Variants in ASS1 observed in about 807,000 individuals in gnomAD.
The protein encoded by ASS1 is argininosuccinate synthase.
A neutral mutation model predicts 60.5 loss-of-function variants in ASS1; 58 were observed. The observed-to-expected ratio is 0.96, with a 90% CI of 0.78 to 1.19. The LOEUF is 1.19. ASS1 is among the 50% of genes most tolerant of loss of function. ASS1 has a pLI of 0.00. For synonymous variants in ASS1, 200 were observed against 206.9 expected, an observed-to-expected ratio of 0.97 and a Z score of 0.29; for missense variants, 454 against 547.3, an observed-to-expected ratio of 0.83 and a Z score of 1.70.
rs113708675 is a variant in ASS1, at chr9:130,452,071, T to C, written c.-5-153T>C. On this transcript the variant is annotated intron_variant, in intron 1 of 14. Transcript: ENST00000352480. ...CAGGGTTCCCGGGGGTGGCAGGCAC[T>C]GAAGGTGAACATCCTGTTCCCGACC... 179 of 727,096 alleles carry C rather than the reference T, an allele frequency of 2.5e-4. 2 individuals are homozygous for C. In the African/African-American group the frequency reaches 2.6e-3, roughly 10 times the overall value. 45.0% of individuals were successfully genotyped at this position (727,096 alleles called of 1,614,324 possible). A position where few individuals can be genotyped will look rare whatever the true frequency, so the allele number is the denominator to read the frequency against.
chr9:130,489,803 C>T lies in ASS1; in HGVS notation c.970+339C>T, dbSNP rs963360289. 3.9e-5 allele frequency among the ~76,000 whole-genome samples: 6 copies of T among 152,242 alleles called. No homozygotes were observed. The highest frequency in any genetic ancestry group is 9.6e-5 in the African/African-American group (4 of 41,464). ...CACTGTGCGGCGACATGCATCACCC[C>T]GCATGGTCCTCACAACTTTCCCAGG... On this transcript the variant is annotated intron_variant, in intron 12 of 14. Transcript: ENST00000352480. The surrounding 1 kb of genome is among the most constrained non-coding windows in gnomAD (Gnocchi z 4.1).
In ASS1 at chr9:130,480,499, C is replaced by T. The variant is rs771272459; in HGVS notation, c.838+50C>T. 4 of 1,594,246 alleles carry T rather than the reference C, an allele frequency of 2.5e-6. No homozygotes were observed. In the Admixed American group the frequency reaches 6.8e-5, roughly 27 times the overall value. ...GGCCTGCCTCGGGACCCAGCAAACCCAGAGATCCCTGAGACCCTGTCCCCT... is the reference window on the plus strand; with the variant it reads ...GGCCTGCCTCGGGACCCAGCAAACCTAGAGATCCCTGAGACCCTGTCCCCT... On this transcript the variant is annotated intron_variant, in intron 11 of 14. Coordinates refer to ENST00000352480, the MANE Select transcript of ASS1 (RefSeq NM_054012.4).
chr9:130,463,351 C>T (rs554928521), intron 4 of ASS1, among the ~76,000 whole-genome samples: 2 of 152,138 alleles, frequency 1.3e-5, no homozygotes, highest in Admixed American at 6.5e-5. Context: ...TCAGTGTGGA[C>T]GGTGGTCCCG....
intron 6 of ASS1, among the ~76,000 whole-genome samples, chr9:130,468,154 A>C (rs1349678494): frequency 6.6e-6 from 1 of 152,214 alleles, no homozygotes; most frequent in African/African-American, 2.4e-5. Context: ...TTCTGCACCC[A>C]GGAAATGTCA....
At chr9:130,461,424 CTG>C (rs1200743148) in intron 4 of ASS1, among the ~76,000 whole-genome samples, 2 of 152,120 alleles carry the variant, frequency 1.3e-5, no homozygotes, top group Non-Finnish European at 2.9e-5. Flanking sequence ...CCGGGGTCCT[CTG>C]TTCCCCATCC....
At chr9:130,460,874 G>T (rs1228821007) in intron 4 of ASS1, among the ~76,000 whole-genome samples, 2 of 152,166 alleles carry the variant, frequency 1.3e-5, no homozygotes, top group African/African-American at 4.8e-5. Flanking sequence ...TGGATGATGG[G>T]ATGGTAGGAA....
intron 12 of ASS1, among the ~76,000 whole-genome samples, chr9:130,492,168 G>A (rs555060387): frequency 3.3e-4 from 50 of 152,336 alleles, no homozygotes; most frequent in Non-Finnish European, 4.4e-5. Context: ...TGGTTTCCCA[G>A]TGTGGAGGCG....
intron 6 of ASS1, among the ~76,000 whole-genome samples, chr9:130,468,930 C>T (rs946869202): frequency 1.3e-5 from 2 of 152,168 alleles, no homozygotes; most frequent in African/African-American, 2.4e-5. Context: ...ACCTCGGGAC[C>T]GAGAGAGGCT....
At chr9:130,475,903 C>G (rs948482732) in intron 8 of ASS1, among the ~76,000 whole-genome samples, 2 of 152,072 alleles carry the variant, frequency 1.3e-5, no homozygotes, top group African/African-American at 4.8e-5. Flanking sequence ...ACTACAGGCG[C>G]ATGCCGCCAT....
intron 7 of ASS1, among the ~76,000 whole-genome samples, 154 bp from the exon 8 acceptor site, chr9:130,471,331 G>A (rs1489220986): frequency 6.6e-6 from 1 of 152,188 alleles, no homozygotes. Flanking sequence ...GACTATGGTG[G>A]GCCCAGAATG....
At position 130,501,033 on chromosome 9, in the gene ASS1, A is replaced by G. The variant is rs781440434; in HGVS notation, c.*12A>G. The G allele has an allele frequency of 1.3e-5, 21 of 1,611,068 alleles. No individual in the cohort carries two copies. Among genetic ancestry groups the G allele is most frequent in the Non-Finnish European group, 1.7e-5 (20 of 1,178,832 alleles). On this transcript the variant is annotated 3_prime_UTR_variant, in exon 15 of 15. Transcript: ENST00000352480. ...TCACTGCCAAATAGACCCGTGTACA[A>G]TGAGGAGCTGGGGCCTCCTCAATTT...
In ASS1 at chr9:130,476,933, T is replaced by G; in HGVS notation, c.660T>G (p.Pro220=). The G allele has an allele frequency of 6.2e-7, 1 of 1,614,068 alleles. No individual in the cohort carries two copies. Among genetic ancestry groups the G allele is most frequent in the Non-Finnish European group, 8.5e-7 (1 of 1,179,986 alleles). ...ACCCAGCCAAAGCCCCCAACACCCC[T>G]GACATTCTCGAGATCGAGTTCAAAA... ...TQDPAKAPNT[P]DILEIEFKKG... The change falls in exon 9 of 15, where the codon CCT becomes CCG. Residue 220 remains proline (P), a synonymous_variant. Coordinates refer to ENST00000352480, the MANE Select transcript of ASS1 (RefSeq NM_054012.4). This position sits in a 1 kb window ranked among gnomAD's most constrained non-coding sequence, Gnocchi z 4.9.
intron 8 of ASS1, 147 bp downstream of exon 8, chr9:130,471,662 C>G (rs1564151878): frequency 1.1e-6 from 1 of 941,082 alleles, no homozygotes; most frequent in African/African-American, 1.6e-5. Context: ...CTGTGTTCCC[C>G]GACCCCCGCA....
chr9:130,482,661 A>G (rs1846201482), intron 11 of ASS1, among the ~76,000 whole-genome samples: 1 of 152,176 alleles, frequency 6.6e-6, no homozygotes, highest in Non-Finnish European at 1.5e-5. Context: ...ACTATTCTGA[A>G]TGTGGAATGG....
chr9:130,480,354 C>T, intron 10 of ASS1, 31 bp from the exon 11 acceptor site: 1 of 1,614,046 alleles, frequency 6.2e-7, no homozygotes, highest in Non-Finnish European at 8.5e-7. Context: ...TGCGGTAGCG[C>T]CCGAACCTAA....
At chr9:130,469,868 C>T (rs111851572) in intron 6 of ASS1, among the ~76,000 whole-genome samples, 8,755 of 152,138 alleles carry the variant, frequency 0.058, 812 homozygotes, top group African/African-American at 0.2. Flanking sequence ...CCGGTGGGGG[C>T]TGCCTGTGGT....
chr9:130,463,370 G>A (rs909816208), intron 4 of ASS1, among the ~76,000 whole-genome samples: 1 of 152,000 alleles, frequency 6.6e-6, no homozygotes, highest in African/African-American at 2.4e-5. Flanking sequence ...CGGCTATGTC[G>A]GGGGTAACGT....
At chr9:130,452,670 G>A (rs1845354033) in intron 2 of ASS1, among the ~76,000 whole-genome samples, 1 of 152,198 alleles carries the variant, frequency 6.6e-6, no homozygotes, top group African/African-American at 2.4e-5. Flanking sequence ...GCCCTGGGAA[G>A]GCACACAGTC....
intron 11 of ASS1, among the ~76,000 whole-genome samples, chr9:130,485,078 G>A (rs775836950): frequency 2.6e-5 from 4 of 152,124 alleles, no homozygotes; most frequent in Non-Finnish European, 4.4e-5. Context: ...GCTCCCGGTG[G>A]CACTGGCCTC....
Sources: allele counts gnomAD v4.1 joint callset (sites outside exome capture counted in the v4.1 genomes callset), GRCh38; gene constraint gnomAD v4.1.1; non-coding constraint Gnocchi (gnomAD v3.1); transcripts MANE v1.5; gene names NCBI Gene and HGNC (gene_info 2026-07-23, HGNC 2026-07-21).